RNGTT: variants seen among roughly 807,000 people sequenced by gnomAD.
The protein encoded by RNGTT is mRNA-capping enzyme.
In RNGTT, 33 loss-of-function variants were observed where a neutral mutation model predicts 79.3. The ratio of observed to expected loss-of-function variants is 0.42; its 90% CI spans 0.32 to 0.56. The LOEUF (loss-of-function observed/expected upper bound fraction) is 0.56, where lower values mean the gene tolerates loss of function less well. RNGTT is among the 20% of genes least tolerant of loss of function. RNGTT has a pLI of 0.17. For missense variants in RNGTT, 497 were observed against 739.1 expected (o/e 0.67, Z 3.80); for synonymous variants, 222 against 235.9 (o/e 0.94, Z 0.54).
At chr6:88,725,419 C>G (rs1471771012) in intron 13 of RNGTT, among the ~76,000 whole-genome samples, 2 of 152,232 alleles carry the variant, frequency 1.3e-5, no homozygotes, top group African/African-American at 4.8e-5. Context: ...GGTGGTAAAG[C>G]ATTCCTTGGT....
At chr6:88,679,729 T>C (rs74359405) in intron 13 of RNGTT, among the ~76,000 whole-genome samples, 2,779 of 152,296 alleles carry the variant, frequency 0.018, 48 homozygotes, top group Non-Finnish European at 0.026. Context: ...TGTAAGGAAC[T>C]GGTAGTGGTA....
chr6:88,719,404 A>G (rs1289476496), intron 13 of RNGTT, among the ~76,000 whole-genome samples: 2 of 152,220 alleles, frequency 1.3e-5, no homozygotes, highest in Non-Finnish European at 1.5e-5. Flanking sequence ...ACTGAAATAA[A>G]TGATTCACTC....
chr6:88,708,184 G>C (rs918864495), intron 13 of RNGTT, among the ~76,000 whole-genome samples: 3 of 152,042 alleles, frequency 2.0e-5, no homozygotes, highest in African/African-American at 7.2e-5. Flanking sequence ...AGAGAGGGAA[G>C]GGCTGGGGAA....
chr6:88,830,134 A>G (rs1780805742), intron 11 of RNGTT, among the ~76,000 whole-genome samples: 1 of 152,170 alleles, frequency 6.6e-6, no homozygotes, highest in East Asian at 1.9e-4. Flanking sequence ...TTGAGCACAT[A>G]ATTGGAAGTA....
chr6:88,626,049 T>G (rs11968482), intron 14 of RNGTT, among the ~76,000 whole-genome samples: 4,545 of 152,124 alleles, frequency 0.03, 231 homozygotes, highest in African/African-American at 0.1. Flanking sequence ...AACAACCCTA[T>G]GAAGTAGGTA....
chr6:88,795,933 A>G (rs1004128309), intron 12 of RNGTT, among the ~76,000 whole-genome samples: 1 of 152,182 alleles, frequency 6.6e-6, no homozygotes, highest in Non-Finnish European at 1.5e-5. Context: ...GAGAATTACA[A>G]TTCAACTGAA....
chr6:88,757,873 T>C (rs1338220795), intron 13 of RNGTT, among the ~76,000 whole-genome samples: 1 of 152,220 alleles, frequency 6.6e-6, no homozygotes, highest in African/African-American at 2.4e-5. Context: ...TTTGAAATTT[T>C]CCAACCTCAG....
Position 88,612,882 on chromosome 6 carries a change from G to C in RNGTT, c.1631C>G (p.Ala544Gly), listed in dbSNP as rs1772084858. 6.2e-7 allele frequency: 1 copy of C among 1,613,044 alleles called. No individual in the cohort carries two copies. The change falls in exon 16 of 16, where the codon GCT becomes GGT. Residue 544 changes from alanine to glycine, a missense_variant and splice_region_variant. Coordinates refer to ENST00000369485, the MANE Select transcript of RNGTT (RefSeq NM_003800.5). ...SFPNAYNTAM[A>G]VCNSISNPVT... ...AGGGTTTGAGATGCTGTTACACACAGCTGTGGACAAAGGGAGACAGGTCTC... is the reference window on the plus strand; with the variant it reads ...AGGGTTTGAGATGCTGTTACACACACCTGTGGACAAAGGGAGACAGGTCTC...
chr6:88,779,053 T>A (rs1582451067), intron 12 of RNGTT, among the ~76,000 whole-genome samples: 3 of 150,614 alleles, frequency 2.0e-5, no homozygotes, highest in South Asian at 4.3e-4. Flanking sequence ...GAAGAGAATC[T>A]GATAAAATAT....
intron 11 of RNGTT, among the ~76,000 whole-genome samples, chr6:88,803,278 G>T (rs1262953697): frequency 4.6e-5 from 7 of 151,944 alleles, no homozygotes; most frequent in Admixed American, 4.6e-4. Flanking sequence ...TTTCAGTTTT[G>T]AAAGATGAAA....
At chr6:88,865,534 A>T (rs1347531225) in intron 8 of RNGTT, among the ~76,000 whole-genome samples, 5 of 152,162 alleles carry the variant, frequency 3.3e-5, no homozygotes, top group African/African-American at 4.8e-5. Context: ...ACACCCAAAC[A>T]TATAAACATA....
chr6:88,869,187 G>T (rs1168217078), intron 8 of RNGTT, among the ~76,000 whole-genome samples: 2 of 152,106 alleles, frequency 1.3e-5, no homozygotes, highest in Non-Finnish European at 2.9e-5. Flanking sequence ...TGTTTTAAGA[G>T]AGTTGTAATT....
At chr6:88,792,300 C>A (rs1582466256) in intron 12 of RNGTT, among the ~76,000 whole-genome samples, 1 of 152,196 alleles carries the variant, frequency 6.6e-6, no homozygotes, top group East Asian at 1.9e-4. Context: ...AATCAACTCT[C>A]TTCTTACTTC....
intron 8 of RNGTT, among the ~76,000 whole-genome samples, chr6:88,863,009 T>C (rs1037055718): frequency 6.6e-6 from 1 of 152,216 alleles, no homozygotes; most frequent in African/African-American, 2.4e-5. Flanking sequence ...CTTAAAGTCA[T>C]GAAACAGATG....
intron 14 of RNGTT, among the ~76,000 whole-genome samples, chr6:88,634,862 G>C (rs1224608366): frequency 6.6e-6 from 1 of 152,028 alleles, no homozygotes; most frequent in African/African-American, 2.4e-5. Context: ...AAAAATGATA[G>C]AAAATCCAAA....
At chr6:88,864,938 T>C (rs555256525) in intron 8 of RNGTT, among the ~76,000 whole-genome samples, 21 of 152,082 alleles carry the variant, frequency 1.4e-4, no homozygotes, top group African/African-American at 4.3e-4. Flanking sequence ...ATGGGGAGAA[T>C]AGGAAGTTAC....
intron 11 of RNGTT, 30 bp downstream of exon 11, chr6:88,844,327 G>T: frequency 6.3e-7 from 1 of 1,576,838 alleles, no homozygotes. Flanking sequence ...GACATTATTA[G>T]CACTAATTTA....
intron 14 of RNGTT, among the ~76,000 whole-genome samples, chr6:88,623,024 G>T (rs560750979): frequency 6.6e-6 from 1 of 152,186 alleles, no homozygotes; most frequent in South Asian, 2.1e-4. Flanking sequence ...CTTTAGGTGG[G>T]TTCTAAGGAG....
chr6:88,745,874 T>A (rs1209661663), intron 13 of RNGTT, among the ~76,000 whole-genome samples: 1 of 152,184 alleles, frequency 6.6e-6, no homozygotes, highest in Non-Finnish European at 1.5e-5. Flanking sequence ...CAATTTTAAT[T>A]GTGGAAGTTA....
Sources: allele counts gnomAD v4.1 joint callset (sites outside exome capture counted in the v4.1 genomes callset), GRCh38; gene constraint gnomAD v4.1.1; transcripts MANE v1.5; gene names NCBI Gene and HGNC (gene_info 2026-07-23, HGNC 2026-07-21).